The following CDH18 variants were observed in gnomAD, a reference collection of about 807,000 sequenced individuals.
The protein encoded by CDH18 is cadherin-18.
In CDH18, 31 loss-of-function variants were observed where a neutral mutation model predicts 67.9. That is an observed-to-expected ratio of 0.46 (90% confidence interval 0.34 to 0.62). The LOEUF is 0.62. Ranked by LOEUF, CDH18 falls within the 20% of genes least tolerant of loss-of-function variation. CDH18 has a pLI of 0.01. For synonymous variants in CDH18, 362 were observed against 347.2 expected, an observed-to-expected ratio of 1.04 and a Z score of -0.48; for missense variants, 890 against 975.5, an observed-to-expected ratio of 0.91 and a Z score of 1.17.
chr5:19,957,361 T>C (rs1205782550), intron 2 of CDH18, among the ~76,000 whole-genome samples: 1 of 151,170 alleles, frequency 6.6e-6, no homozygotes, highest in African/African-American at 2.4e-5. Flanking sequence ...TGTCATTATA[T>C]ACATCAATAA....
intron 2 of CDH18, among the ~76,000 whole-genome samples, chr5:20,069,875 A>T (rs1743320967): frequency 6.6e-6 from 1 of 152,126 alleles, no homozygotes; most frequent in South Asian, 2.1e-4. Context: ...ATAACTGATA[A>T]TCCTATATTG....
intron 1 of CDH18, among the ~76,000 whole-genome samples, chr5:20,358,831 C>T (rs1286922283): frequency 5.3e-5 from 8 of 151,442 alleles, no homozygotes; most frequent in Admixed American, 3.9e-4. Context: ...TTGGTGTGAT[C>T]TTATTTTAAT....
At chr5:20,470,262 A>G (rs1751953423) in intron 1 of CDH18, among the ~76,000 whole-genome samples, 2 of 152,100 alleles carry the variant, frequency 1.3e-5, no homozygotes, top group South Asian at 2.1e-4. Context: ...ATCCTCAACT[A>G]CACCACTCTT....
chr5:20,358,459 C>T (rs577614486), intron 1 of CDH18, among the ~76,000 whole-genome samples: 46 of 152,210 alleles, frequency 3.0e-4, no homozygotes, highest in African/African-American at 1.1e-3. Context: ...TTATAGCTAG[C>T]GTTTTTTGTG....
At chr5:20,084,576 T>C (rs1580201879) in intron 2 of CDH18, among the ~76,000 whole-genome samples, 1 of 152,186 alleles carries the variant, frequency 6.6e-6, no homozygotes, top group African/African-American at 2.4e-5. Flanking sequence ...ATTTCCCTTC[T>C]GCACTGCCCT....
intron 2 of CDH18, among the ~76,000 whole-genome samples, chr5:19,890,502 T>C (rs1788671264): frequency 6.6e-6 from 1 of 152,162 alleles, no homozygotes; most frequent in East Asian, 1.9e-4. Context: ...TCAAAGATAC[T>C]TGGCTTGCTG....
intron 2 of CDH18, among the ~76,000 whole-genome samples, chr5:19,923,142 A>T (rs1321321513): frequency 1.3e-5 from 2 of 152,168 alleles, no homozygotes; most frequent in Non-Finnish European, 2.9e-5. Flanking sequence ...TATTGTAAGG[A>T]TGCCCAAGAC....
chr5:19,559,554 C>A (rs1360163656), intron 8 of CDH18, among the ~76,000 whole-genome samples: 3 of 151,894 alleles, frequency 2.0e-5, no homozygotes, highest in Non-Finnish European at 4.4e-5. Context: ...CTATGACAAA[C>A]CCACAGCCAA....
intron 2 of CDH18, among the ~76,000 whole-genome samples, chr5:19,919,744 A>T (rs981378930): frequency 6.6e-6 from 1 of 152,228 alleles, no homozygotes; most frequent in Admixed American, 6.5e-5. Context: ...ATATGTGATG[A>T]AATTTCAATT....
chr5:19,860,514 C>A (rs78496166), intron 2 of CDH18, among the ~76,000 whole-genome samples: 3,834 of 147,512 alleles, frequency 0.026, 168 homozygotes, highest in African/African-American at 0.089. Flanking sequence ...ATATCATTTA[C>A]TTTTTAAAAA....
chr5:20,287,435 A>G (rs1325113413), intron 1 of CDH18, among the ~76,000 whole-genome samples: 1 of 151,748 alleles, frequency 6.6e-6, no homozygotes, highest in Non-Finnish European at 1.5e-5. Context: ...TTGATATTTC[A>G]TAACTTTTCT....
At chr5:19,487,981 G>C (rs2040258504) in intron 11 of CDH18, among the ~76,000 whole-genome samples, 1 of 152,152 alleles carries the variant, frequency 6.6e-6, no homozygotes, top group Non-Finnish European at 1.5e-5. Context: ...TTGTTAGGTA[G>C]TTATGCATTC....
At chr5:20,107,682 G>C (rs762233972) in intron 2 of CDH18, among the ~76,000 whole-genome samples, 3 of 152,062 alleles carry the variant, frequency 2.0e-5, no homozygotes, top group African/African-American at 4.8e-5. Context: ...TTAGCTTGCC[G>C]ATGGCTGTCT....
In CDH18 at chr5:19,748,134, G is replaced by C. The variant is rs73055697; in HGVS notation, c.229-898C>G. Among the ~76,000 whole-genome samples the C allele has an allele frequency of 8.9e-5, 6 of 67,146 alleles. 2 individuals are homozygous for C. Among genetic ancestry groups the C allele is most frequent in the Admixed American group, 2.0e-4 (1 of 5,074 alleles). 44.1% of individuals were successfully genotyped at this position (67,146 alleles called of 152,430 possible). A position where few individuals can be genotyped will look rare whatever the true frequency, so the allele number is the denominator to read the frequency against. ...TCTCAAAAAAAAAAAAAAAAAAAAAGAGTACTTTTTTAGGGATAGAGTATT... is the reference window on the plus strand; with the variant it reads ...TCTCAAAAAAAAAAAAAAAAAAAAACAGTACTTTTTTAGGGATAGAGTATT... On this transcript the variant is annotated intron_variant, in intron 3 of 12. Transcript: ENST00000382275.
chr5:19,543,652 C>T (rs1381008446), intron 9 of CDH18, among the ~76,000 whole-genome samples: 1 of 152,080 alleles, frequency 6.6e-6, no homozygotes, highest in African/African-American at 2.4e-5. Context: ...TTCTGTGATG[C>T]CACTTTTCCA....
At chr5:20,537,357 A>G (rs573833430) in intron 1 of CDH18, among the ~76,000 whole-genome samples, 21 of 151,912 alleles carry the variant, frequency 1.4e-4, no homozygotes, top group Non-Finnish European at 7.4e-5. Context: ...GTAAATAATT[A>G]TTAATTATTA....
intron 2 of CDH18, among the ~76,000 whole-genome samples, chr5:20,172,212 A>ACATATATATACGTATACGTATATATATG (rs1192358410): frequency 2.0e-5 from 1 of 50,724 alleles, no homozygotes; most frequent in South Asian, 6.6e-4. Context: ...ATATATATAT[A>ACATATATATACGTATACGTATATATATG]TATATATATA....
At chr5:19,857,792 A>C (rs1219382580) in intron 2 of CDH18, among the ~76,000 whole-genome samples, 1 of 152,182 alleles carries the variant, frequency 6.6e-6, no homozygotes, top group Non-Finnish European at 1.5e-5. Flanking sequence ...TCAGTGCTAC[A>C]TTTTATACCT....
intron 1 of CDH18, among the ~76,000 whole-genome samples, chr5:20,332,623 AGAGTT>A (rs1469748161): frequency 6.6e-6 from 1 of 152,244 alleles, no homozygotes; most frequent in Non-Finnish European, 1.5e-5. Context: ...GTTACAAAGA[AGAGTT>A]GAGTACCTAA....
Sources: gnomAD v4.1 joint callset for allele counts (sites outside exome capture counted in the v4.1 genomes callset) on GRCh38, gnomAD v4.1.1 for gene constraint, MANE v1.5 for transcripts, NCBI Gene and HGNC (gene_info 2026-07-23, HGNC 2026-07-21) for gene names.